Variants in KIAA1549 observed in about 807,000 individuals in gnomAD.
The protein encoded by KIAA1549 is UPF0606 protein KIAA1549.
In KIAA1549, 70 loss-of-function variants were observed where a neutral mutation model predicts 156.4. That is an observed-to-expected ratio of 0.45 (90% CI 0.37 to 0.55). KIAA1549 has a LOEUF of 0.55. Ranked by LOEUF, KIAA1549 falls within the 20% of genes least tolerant of loss-of-function variation. The pLI, the probability that KIAA1549 is intolerant of heterozygous loss-of-function variation, is 0.00. For synonymous variants in KIAA1549, 1,103 were observed against 1,066.4 expected (o/e 1.03, Z -0.67); for missense variants, 2,428 against 2,540.9 (o/e 0.96, Z 0.96).
chr7:138,910,179 G>A (rs963652415), intron 4 of KIAA1549, among the ~76,000 whole-genome samples: 3 of 152,124 alleles, frequency 2.0e-5, no homozygotes, highest in Non-Finnish European at 2.9e-5. Context: ...ACAGTGGTCT[G>A]TTAAACTATT....
chr7:138,924,618 C>T (rs1812659862), intron 1 of KIAA1549, among the ~76,000 whole-genome samples: 1 of 152,120 alleles, frequency 6.6e-6, no homozygotes, highest in African/African-American at 2.4e-5. Context: ...GGAACAAAAA[C>T]TTCGTATTAA....
chr7:138,919,245 T>A lies in KIAA1549; in HGVS notation c.381A>T (p.Lys127Asn). ...TFDTAFFNQG[K>N]QTKSTADPSI... ...TGGGATCTGCTGTACTTTTGGTCTGTTTTCCTTGGTTAAAAAAGGCTGTAT... is the reference window on the plus strand; with the variant it reads ...TGGGATCTGCTGTACTTTTGGTCTGATTTCCTTGGTTAAAAAAGGCTGTAT... Residue 127 changes from lysine to asparagine, a missense_variant, in exon 2 of 20, where the codon AAA becomes AAT. Around this residue, in one of 5 missense-constraint regions of KIAA1549, gnomAD observed 893 missense variants for 847.9 expected, o/e 1.05. Coordinates refer to ENST00000422774, the MANE Select transcript of KIAA1549 (RefSeq NM_001164665.2). 1 of 1,613,986 alleles carries A rather than the reference T, an allele frequency of 6.2e-7. No individual in the cohort carries two copies. Among genetic ancestry groups the A allele is most frequent in the Non-Finnish European group, 8.5e-7 (1 of 1,179,892 alleles).
intron 12 of KIAA1549, among the ~76,000 whole-genome samples, chr7:138,875,049 G>A (rs1281741500): frequency 6.6e-6 from 1 of 152,128 alleles, no homozygotes; most frequent in South Asian, 2.1e-4. Context: ...TTGAGCACCT[G>A]TAGGCACTGT....
chr7:138,884,355 T>A (rs1331146668), intron 10 of KIAA1549, among the ~76,000 whole-genome samples: 1 of 151,706 alleles, frequency 6.6e-6, no homozygotes, highest in African/African-American at 2.4e-5. Context: ...ACAGGCCCCC[T>A]CTTGGCCAAA....
At chr7:138,966,049 C>G (rs575682669) in intron 1 of KIAA1549, among the ~76,000 whole-genome samples, 2 of 152,296 alleles carry the variant, frequency 1.3e-5, no homozygotes, top group Non-Finnish European at 1.5e-5. Flanking sequence ...CTGTTCCCCC[C>G]AATACCTGCT....
intron 8 of KIAA1549, among the ~76,000 whole-genome samples, chr7:138,901,329 T>TA (rs1354749604): frequency 7.7e-6 from 1 of 130,638 alleles, no homozygotes; most frequent in African/African-American, 4.3e-5. Context: ...GAGTTTTATT[T>TA]TTTTTTTTTT....
Position 138,836,264 on chromosome 7 carries a change from C to CCATACCA in KIAA1549, c.*1641_*1642insTGGTATG. The stretch of plus-strand genomic sequence containing the variant: ...AAATTGTATTTTTACCATACCTTTT[C>CCATACCA]TATGTTTAGCTATGTTTAGATACAC... On this transcript the variant is annotated 3_prime_UTR_variant, in exon 20 of 20. Coordinates refer to ENST00000422774, the MANE Select transcript of KIAA1549 (RefSeq NM_001164665.2). The CCATACCA allele has an allele frequency of 4.9e-6, 1 of 202,476 alleles. No individual in the cohort carries two copies. Among genetic ancestry groups the CCATACCA allele is most frequent in the Non-Finnish European group, 1.0e-5 (1 of 98,620 alleles). 12.5% of individuals were successfully genotyped at this position (202,476 alleles called of 1,614,324 possible).
intron 10 of KIAA1549, among the ~76,000 whole-genome samples, chr7:138,889,746 C>T (rs1163403235): frequency 6.6e-6 from 1 of 152,208 alleles, no homozygotes; most frequent in Non-Finnish European, 1.5e-5. Context: ...GAGTCATCAC[C>T]TTCTATACCA....
intron 16 of KIAA1549, among the ~76,000 whole-genome samples, chr7:138,853,697 C>T (rs1019086708): frequency 6.6e-6 from 1 of 152,066 alleles, no homozygotes; most frequent in Non-Finnish European, 1.5e-5. Context: ...TTGTGGAGTT[C>T]CCCAACTGAG....
intron 1 of KIAA1549, among the ~76,000 whole-genome samples, chr7:138,942,813 G>A (rs902228250): frequency 4.6e-5 from 7 of 152,198 alleles, no homozygotes; most frequent in Admixed American, 1.3e-4. Context: ...GGGAGGCTGA[G>A]GCAGGAGAAT....
intron 16 of KIAA1549, among the ~76,000 whole-genome samples, chr7:138,856,032 T>TTA (rs1810379208): frequency 6.7e-6 from 1 of 148,550 alleles, no homozygotes; most frequent in African/African-American, 2.6e-5. Context: ...TTATTATTTA[T>TTA]TTTATTTTTT....
At chr7:138,852,075 T>G (rs993808347) in intron 17 of KIAA1549, 148 bp downstream of exon 17, 2 of 538,906 alleles carry the variant, frequency 3.7e-6, no homozygotes, top group Non-Finnish European at 6.5e-6. Flanking sequence ...ATTCCAACTA[T>G]TTTTCCCTCC....
Position 138,916,915 on chromosome 7 carries a change from G to T in KIAA1549, c.2711C>A (p.Ala904Asp), listed in dbSNP as rs1429872116. The change falls in exon 2 of 20, where the codon GCC (alanine) becomes GAC (aspartate). Residue 904 changes from alanine (A) to aspartate (D), a missense_variant. Physicochemically the swap from Ala to Asp is moderately radical, Grantham distance 126. This residue lies in a region of KIAA1549 where 762 missense variants were observed against 901.6 expected (regional missense o/e 0.85). Transcript: ENST00000422774. ...ACTCTCTGGGGGGCTCTGACTTGCG[G>T]CGTCACCCATCAGGGTGGAGTCGAG... is the stretch of plus-strand genomic sequence containing the variant. Reference protein sequence around the residue: ...GPLDSTLMGDAASQSPPESSA... With the variant: ...GPLDSTLMGDDASQSPPESSA... The T allele has an allele frequency of 6.2e-7, 1 of 1,613,122 alleles. No individual in the cohort carries two copies. The highest frequency in any genetic ancestry group is 1.3e-5 in the African/African-American group (1 of 74,926).
intron 1 of KIAA1549, 115 bp from the exon 2 acceptor site, chr7:138,919,553 C>T (rs118134759): frequency 0.02 from 29,527 of 1,485,014 alleles, 373 homozygotes; most frequent in Non-Finnish European, 0.023. Context: ...CCATAAATAT[C>T]CATGAATCAC....
intron 6 of KIAA1549, among the ~76,000 whole-genome samples, chr7:138,905,328 C>T (rs190064293): frequency 8.9e-4 from 135 of 152,346 alleles, no homozygotes; most frequent in African/African-American, 2.9e-3. Flanking sequence ...ACAGAGAGGT[C>T]ACCGGCAAGT....
rs768150554 is a variant in KIAA1549, at chr7:138,904,621, C to CAA, written c.3520+399_3520+400dup. Among the ~76,000 whole-genome samples, 63 of 45,722 alleles carry CAA rather than the reference C, an allele frequency of 1.4e-3. 1 individual carries two copies. Among genetic ancestry groups the CAA allele is most frequent in the African/African-American group, 2.9e-3 (47 of 16,102 alleles). The allele number at this position is 45,722 out of a possible 152,430, so 30.0% of individuals were successfully genotyped here. ...AAATATCTGACCCACTCCCCTAAGA[C>CAA]AAAAAAAAAAAAAAAAAAAGCTTCC... On this transcript the variant is annotated intron_variant, in intron 7 of 19. Coordinates refer to ENST00000422774, the MANE Select transcript of KIAA1549 (RefSeq NM_001164665.2).
chr7:138,835,843 C>T lies in KIAA1549; in HGVS notation c.*2063G>A, dbSNP rs147351702. 2.6e-3 allele frequency: 583 copies of T among 221,620 alleles called. 4 individuals carry two copies. The highest frequency in any genetic ancestry group is 0.012 in the African/African-American group (546 of 44,806). The allele number at this position is 221,620 out of a possible 1,614,324, so 13.7% of individuals were successfully genotyped here. ...AATGCTCCTTGGAGCCTCTGAGGAT[C>T]GCCTGATAAGATGCTGCTGGTCCTT... On this transcript the variant is annotated 3_prime_UTR_variant, in exon 20 of 20. Transcript: ENST00000422774.
At chr7:138,882,382 G>C (rs145559660) in intron 10 of KIAA1549, among the ~76,000 whole-genome samples, 1 of 152,346 alleles carries the variant, frequency 6.6e-6, no homozygotes, top group East Asian at 1.9e-4. Flanking sequence ...TGACGTTAAG[G>C]GAAAGAGGCG....
chr7:138,870,474 A>G (rs1463969731), intron 13 of KIAA1549, among the ~76,000 whole-genome samples: 1 of 152,228 alleles, frequency 6.6e-6, no homozygotes, highest in Non-Finnish European at 1.5e-5. Flanking sequence ...AGATATAAAG[A>G]GGATAATTAC....
Sources: allele counts gnomAD v4.1 joint callset (sites outside exome capture counted in the v4.1 genomes callset), GRCh38; gene constraint gnomAD v4.1.1; regional missense constraint gnomAD v4.1.1; transcripts MANE v1.5; gene names NCBI Gene and HGNC (gene_info 2026-07-23, HGNC 2026-07-21).